Variants in DNASE1 observed in about 807,000 individuals in gnomAD.
DNASE1 encodes deoxyribonuclease-1.
Under a neutral mutation model 33.9 loss-of-function variants are expected in DNASE1, and 40 were observed. The ratio of observed to expected loss-of-function variants is 1.18; its 90% CI spans 0.92 to 1.54. The LOEUF is 1.54. DNASE1 is among the 40% of genes most tolerant of loss of function. The pLI is 0.00. For missense variants in DNASE1, 518 were observed against 372.6 expected, an observed-to-expected ratio of 1.39 and a Z score of -3.21; for synonymous variants, 216 against 160.0, an observed-to-expected ratio of 1.35 and a Z score of -2.64.
Position 3,658,039 on chromosome 16 carries a change from G to T in DNASE1, c.*86G>T. 4 of 1,607,568 alleles carry T rather than the reference G, an allele frequency of 2.5e-6. No individual in the cohort carries two copies. The highest frequency in any genetic ancestry group is 2.2e-5 in the South Asian group (2 of 90,556). On this transcript the variant is annotated 3_prime_UTR_variant, in exon 9 of 9. Transcript: ENST00000246949. ...CAGAAAAAAAGCCCAACACACACTC[G>T]GGTTAAGAAATACCTTTAAATTTAG...
At chr16:3,632,684 C>T (rs931639218) in intron 1 of DNASE1, among the ~76,000 whole-genome samples, 14 of 151,800 alleles carry the variant, frequency 9.2e-5, no homozygotes, top group Non-Finnish European at 1.2e-4. Flanking sequence ...CTCCTGGGTT[C>T]AAGCAATTCT....
chr16:3,661,669 C>T (rs1413313910), downstream of DNASE1: 1 of 301,976 alleles, frequency 3.3e-6, no homozygotes, highest in African/African-American at 2.1e-5. Flanking sequence ...ACACCAAGAT[C>T]CACGTACAAA....
At chr16:3,627,073 C>T in intron 1 of DNASE1, among the ~76,000 whole-genome samples, 1 of 151,254 alleles carries the variant, frequency 6.6e-6, no homozygotes, top group East Asian at 1.9e-4. Flanking sequence ...ACAGGGTCTC[C>T]CTATGTTGCC....
intron 1 of DNASE1, among the ~76,000 whole-genome samples, chr16:3,647,733 G>T (rs1285769090): frequency 2.6e-5 from 4 of 152,144 alleles, no homozygotes; most frequent in Admixed American, 2.6e-4. Flanking sequence ...GCCAGGTGTT[G>T]TAGCTCACAC....
intron 1 of DNASE1, among the ~76,000 whole-genome samples, chr16:3,627,351 C>A (rs1385877993): frequency 6.6e-6 from 1 of 151,610 alleles, no homozygotes; most frequent in East Asian, 1.9e-4. Context: ...TCACGGCTCA[C>A]TGCAGCATTG....
At chr16:3,612,320 G>T (rs1171033979) in intron 1 of DNASE1, among the ~76,000 whole-genome samples, 1 of 152,034 alleles carries the variant, frequency 6.6e-6, no homozygotes, top group African/African-American at 2.4e-5. Context: ...GCGCGATCTC[G>T]GCTCACTGCA....
At chr16:3,639,310 A>T (rs537432443), upstream of DNASE1, among the ~76,000 whole-genome samples, 2 of 152,214 alleles carry the variant, frequency 1.3e-5, no homozygotes, top group South Asian at 4.1e-4. Flanking sequence ...GGTATGTGGG[A>T]CATATAGGGT....
chr16:3,663,870 G>C (rs1042879245), exon 10 of DNASE1: 10 of 388,290 alleles, frequency 2.6e-5, no homozygotes, highest in African/African-American at 1.4e-4. Flanking sequence ...TCAGGAGTTC[G>C]AGACCAACAT....
At chr16:3,624,773 C>G (rs1001612285) in intron 1 of DNASE1, among the ~76,000 whole-genome samples, 2 of 152,188 alleles carry the variant, frequency 1.3e-5, no homozygotes, top group African/African-American at 4.8e-5. Context: ...CTCTGCCTCC[C>G]AGGCTCAAAC....
At chr16:3,635,950 TC>T (rs776860563) in intron 1 of DNASE1, among the ~76,000 whole-genome samples, 8 of 152,210 alleles carry the variant, frequency 5.3e-5, no homozygotes, top group Non-Finnish European at 7.3e-5. Flanking sequence ...TTCTGTGAGC[TC>T]CCCAGAACTG....
chr16:3,637,952 T>C (rs1033235579), upstream of DNASE1, among the ~76,000 whole-genome samples: 1 of 152,032 alleles, frequency 6.6e-6, no homozygotes, highest in Admixed American at 6.6e-5. Context: ...CTAAAAGGGG[T>C]TGTTTGCCAG....
exon 10 of DNASE1, chr16:3,663,620 G>T (rs1031858332): frequency 3.1e-6 from 5 of 1,605,796 alleles, no homozygotes; most frequent in Admixed American, 1.7e-5. Flanking sequence ...CACCACAGAA[G>T]AAAGGATGAG....
At chr16:3,638,293 G>A (rs754978327), upstream of DNASE1, among the ~76,000 whole-genome samples, 1 of 152,072 alleles carries the variant, frequency 6.6e-6, no homozygotes, top group African/African-American at 2.4e-5. Flanking sequence ...TCTACAACTT[G>A]ATTATGATGT....
chr16:3,655,549 G>A (rs370732305), intron 2 of DNASE1, 29 bp downstream of exon 2: 1 of 1,613,744 alleles, frequency 6.2e-7, no homozygotes, highest in Non-Finnish European at 8.5e-7. Context: ...CCCCCCAAAA[G>A]CAGAGGAGCT....
downstream of DNASE1, chr16:3,662,191 G>C: frequency 1.9e-6 from 3 of 1,569,966 alleles, no homozygotes; most frequent in Non-Finnish European, 2.6e-6. Context: ...AGGGCTGGCA[G>C]GATCTTACCA....
chr16:3,617,001 G>A (rs1224714161), intron 1 of DNASE1, among the ~76,000 whole-genome samples: 1 of 152,056 alleles, frequency 6.6e-6, no homozygotes, highest in African/African-American at 2.4e-5. Context: ...AACTCAGAAT[G>A]GATCAAAGAC....
upstream of DNASE1, chr16:3,641,373 G>A (rs1410144614): frequency 6.4e-6 from 1 of 156,040 alleles, no homozygotes; most frequent in African/African-American, 2.4e-5. Flanking sequence ...CACAGGGCTG[G>A]GACCTTGGAG....
intron 1 of DNASE1, among the ~76,000 whole-genome samples, chr16:3,635,720 TC>T (rs1567195107): frequency 6.6e-6 from 1 of 151,678 alleles, no homozygotes; most frequent in Non-Finnish European, 1.5e-5. Flanking sequence ...TTTTTTTTTT[TC>T]CTTACAACAC....
At chr16:3,659,406 C>T (rs2042933324), downstream of DNASE1, 2 of 152,178 alleles carry the variant, frequency 1.3e-5, no homozygotes, top group Non-Finnish European at 2.9e-5. Context: ...CCAGAGGGAT[C>T]AAAGATGACA....
Sources: gnomAD v4.1 joint callset for allele counts (sites outside exome capture counted in the v4.1 genomes callset) on GRCh38, gnomAD v4.1.1 for gene constraint, MANE v1.5 for transcripts, NCBI Gene and HGNC (gene_info 2026-07-23, HGNC 2026-07-21) for gene names.